Variants in FNBP1 observed in about 807,000 individuals in gnomAD.
FNBP1 encodes the protein formin binding protein 1.
Under a neutral mutation model 90.6 loss-of-function variants are expected in FNBP1, and 26 were observed. The observed-to-expected ratio is 0.29, with a 90% CI of 0.21 to 0.40. FNBP1 has a LOEUF of 0.40. Ranked by LOEUF, FNBP1 falls within the 10% of genes least tolerant of loss-of-function variation. The pLI is 1.00. For missense variants in FNBP1, 635 were observed against 768.0 expected (o/e 0.83, Z 2.05); for synonymous variants, 260 against 265.2 (o/e 0.98, Z 0.19).
intron 10 of FNBP1, among the ~76,000 whole-genome samples, chr9:129,917,484 C>T (rs1490651404): frequency 6.6e-6 from 1 of 152,020 alleles, no homozygotes; most frequent in East Asian, 1.9e-4. Flanking sequence ...AGGTACGTGC[C>T]ACCACGTCCA....
intron 4 of FNBP1, among the ~76,000 whole-genome samples, chr9:129,969,685 A>C (rs1231606396): frequency 6.6e-6 from 1 of 152,010 alleles, no homozygotes; most frequent in African/African-American, 2.4e-5. Context: ...CGACGCGGGA[A>C]GATTGCTTGA....
chr9:129,974,696 C>T (rs2050028054), intron 4 of FNBP1, among the ~76,000 whole-genome samples: 1 of 151,412 alleles, frequency 6.6e-6, no homozygotes, highest in South Asian at 2.1e-4. Context: ...CTTGTCTCTA[C>T]AAAATTTTTA....
intron 4 of FNBP1, among the ~76,000 whole-genome samples, chr9:129,965,710 A>ACGCG (rs1294809804): frequency 4.9e-5 from 7 of 142,074 alleles, no homozygotes; most frequent in African/African-American, 1.9e-4. Flanking sequence ...GCGCGCGCGC[A>ACGCG]CACACACACA....
rs970352327 is a variant in FNBP1 at position 129,899,935 on chromosome 9, C to A, written c.1687+30G>T. Reference sequence around the variant, plus strand: ...CTCAGATATTATGGTTTATAAAAGGCAGGGGAATCCAGCAGACATGAAATG... The same window carrying A: ...CTCAGATATTATGGTTTATAAAAGGAAGGGGAATCCAGCAGACATGAAATG... On this transcript the variant is annotated intron_variant, in intron 15 of 16. Transcript: ENST00000446176. 2.0e-6 allele frequency: 3 copies of A among 1,528,100 alleles called. No individual in the cohort carries two copies. The South Asian group carries it at 3.8e-5, about 19-fold the overall frequency. The allele number at this position is 1,528,100 out of a possible 1,614,324, so 94.7% of individuals were successfully genotyped here.
At chr9:129,978,106 C>T (rs1167296102) in intron 4 of FNBP1, among the ~76,000 whole-genome samples, 10 of 151,982 alleles carry the variant, frequency 6.6e-5, no homozygotes, top group African/African-American at 2.2e-4. Flanking sequence ...CTGCAACCTC[C>T]GCCTCCCAGG....
chr9:129,899,782 A>AAGGG (rs2036529562), intron 15 of FNBP1, among the ~76,000 whole-genome samples, 183 bp downstream of exon 15: 2 of 132,646 alleles, frequency 1.5e-5, no homozygotes, highest in Non-Finnish European at 3.2e-5. Flanking sequence ...GAAGGGAGGG[A>AAGGG]AGGGAAGGGA....
At chr9:129,905,294 G>GTGTGTATATATATATATATATATATA (rs374989661) in intron 12 of FNBP1, among the ~76,000 whole-genome samples, 1 of 132,336 alleles carries the variant, frequency 7.6e-6, no homozygotes, top group Non-Finnish European at 1.6e-5. Flanking sequence ...GTGTGTGTGT[G>GTGTGTATATATATATATATATATATA]TATATATATA....
At chr9:130,030,695 A>G (rs536594149) in intron 1 of FNBP1, among the ~76,000 whole-genome samples, 34 of 152,322 alleles carry the variant, frequency 2.2e-4, no homozygotes, top group South Asian at 2.1e-3. Flanking sequence ...AGATTAGCCT[A>G]CAGGGCGAGA....
At chr9:130,029,004 T>C (rs1157212620) in intron 1 of FNBP1, among the ~76,000 whole-genome samples, 8 of 152,220 alleles carry the variant, frequency 5.3e-5, no homozygotes, top group South Asian at 2.1e-4. Flanking sequence ...TCTCATTCCC[T>C]TGTTTTTGTC....
At chr9:129,991,725 T>C (rs963323658) in intron 2 of FNBP1, among the ~76,000 whole-genome samples, 1 of 151,484 alleles carries the variant, frequency 6.6e-6, no homozygotes, top group Non-Finnish European at 1.5e-5. Flanking sequence ...AGTGGTGTGA[T>C]CTTGGCTCAC....
intron 1 of FNBP1, among the ~76,000 whole-genome samples, chr9:130,011,063 A>G (rs1232727304): frequency 2.0e-5 from 3 of 150,556 alleles, no homozygotes; most frequent in African/African-American, 7.3e-5. Context: ...AAAGCAAGAG[A>G]CAGTTAGGTG....
At chr9:129,891,763 A>T (rs1227639933) in intron 16 of FNBP1, among the ~76,000 whole-genome samples, 2 of 152,032 alleles carry the variant, frequency 1.3e-5, no homozygotes, top group African/African-American at 2.4e-5. Flanking sequence ...TGGGAGGCAG[A>T]ATTTTTAAAA....
chr9:129,889,417 A>G lies in FNBP1; in HGVS notation c.*1122T>C, dbSNP rs2034930266. 1 of 180,790 alleles carries G rather than the reference A, an allele frequency of 5.5e-6. No homozygotes were observed. The highest frequency in any genetic ancestry group is 2.4e-5 in the African/African-American group (1 of 42,312). 11.2% of individuals were successfully genotyped at this position (180,790 alleles called of 1,614,324 possible). ...AAACCCTGTCTCTACTAAAAATACA[A>G]ACATTAGCCGGGCGTGGTGGTGCAC... On this transcript the variant is annotated 3_prime_UTR_variant, in exon 17 of 17. Transcript: ENST00000446176.
rs559479495 is a variant in FNBP1, at chr9:129,918,047, C to T, written c.1171-2067G>A. 1.9e-3 allele frequency among the ~76,000 whole-genome samples: 288 copies of T among 152,350 alleles called. 1 individual carries two copies. The highest frequency in any genetic ancestry group is 3.5e-3 in the Admixed American group (54 of 15,304). ...CTAGATACACTATTTGCTCTCTACT[C>T]GGCTACTTTCTTTACGCAAAGTTAT... On this transcript the variant is annotated intron_variant, in intron 10 of 16. Coordinates refer to ENST00000446176, the MANE Select transcript of FNBP1 (RefSeq NM_015033.3).
At chr9:129,912,463 T>G (rs965131446) in intron 11 of FNBP1, among the ~76,000 whole-genome samples, 1 of 150,670 alleles carries the variant, frequency 6.6e-6, no homozygotes. Context: ...CCGAGGCGGG[T>G]GGATCACCTG....
intron 16 of FNBP1, among the ~76,000 whole-genome samples, chr9:129,894,744 A>G (rs1288573060): frequency 1.3e-5 from 2 of 152,180 alleles, no homozygotes; most frequent in Admixed American, 6.6e-5. Flanking sequence ...CTCCATCTAA[A>G]CAGCACTAGC....
Position 129,929,613 on chromosome 9 carries a change from T to C in FNBP1, c.596A>G (p.His199Arg), listed in dbSNP as rs1409331544. Reference sequence around the variant, plus strand: ...AGTATGGTAATATTCATGCTGCTCATGGTTGAATTTCTGGAGAATGGATGA... The same window carrying C: ...AGTATGGTAATATTCATGCTGCTCACGGTTGAATTTCTGGAGAATGGATGA... ...DYSSILQKFNHEQHEYYHTHI... is the reference protein window; with the variant it reads ...DYSSILQKFNREQHEYYHTHI... Residue 199 changes from histidine to arginine, a missense_variant, in exon 7 of 17, where the codon CAT becomes CGT. Physicochemically the swap from His to Arg is conservative, Grantham distance 29. Transcript: ENST00000446176. 2.5e-6 allele frequency: 4 copies of C among 1,613,726 alleles called. No individual in the cohort carries two copies. Among genetic ancestry groups the C allele is most frequent in the East Asian group, 2.2e-5 (1 of 44,884 alleles).
At position 130,006,831 on chromosome 9, in the gene FNBP1, C is replaced by T. The variant is rs759609157; in HGVS notation, c.25-11873G>A. The stretch of plus-strand genomic sequence containing the variant: ...GCTCTTTGTAGTTGCATTCTGAACA[C>T]GAGATAAGAATGTAAGCAAATATAT... On this transcript the variant is annotated intron_variant, in intron 1 of 16. Coordinates refer to ENST00000446176, the MANE Select transcript of FNBP1 (RefSeq NM_015033.3). Among the ~76,000 whole-genome samples, 4 of 151,904 alleles carry T rather than the reference C, an allele frequency of 2.6e-5. No homozygotes were observed. In the East Asian group the frequency reaches 5.8e-4, roughly 22 times the overall value.
intron 6 of FNBP1, among the ~76,000 whole-genome samples, chr9:129,937,920 T>C (rs1225052919): frequency 6.6e-6 from 1 of 152,052 alleles, no homozygotes; most frequent in African/African-American, 2.4e-5. Context: ...CCCAGCATTT[T>C]GTGAGGCTGA....
Sources: gnomAD v4.1 joint callset for allele counts (sites outside exome capture counted in the v4.1 genomes callset) on GRCh38, gnomAD v4.1.1 for gene constraint, MANE v1.5 for transcripts, NCBI Gene and HGNC (gene_info 2026-07-23, HGNC 2026-07-21) for gene names.